IKZF1: variants seen among roughly 807,000 people sequenced by gnomAD.
IKZF1 encodes the protein IKAROS family zinc finger 1, also known as DNA-binding protein Ikaros.
IKZF1 carries 10 observed loss-of-function variants against 51.7 expected under a neutral mutation model. That is an observed-to-expected ratio of 0.19 (90% CI 0.12 to 0.33). The LOEUF (loss-of-function observed/expected upper bound fraction) is 0.33, where lower values mean the gene tolerates loss of function less well. IKZF1 is among the 10% of genes least tolerant of loss of function. IKZF1 has a pLI of 1.00. For synonymous variants in IKZF1, 280 were observed against 282.3 expected (o/e 0.99, Z 0.08); for missense variants, 484 against 707.5 (o/e 0.68, Z 3.58).
In IKZF1 at chr7:50,327,577, G is replaced by T; in HGVS notation, c.41-61G>T. On this transcript the variant is annotated intron_variant, in intron 2 of 7. Coordinates refer to ENST00000331340, the MANE Select transcript of IKZF1 (RefSeq NM_006060.6). The stretch of plus-strand genomic sequence containing the variant: ...TGCCACCCTCTCAAGCCAAAAGCCG[G>T]GGGAAGCCCAGGCACCTTGACCATG... 9 of 1,516,466 alleles carry T rather than the reference G, an allele frequency of 5.9e-6. No homozygotes were observed. In the South Asian group the frequency reaches 1.1e-4, roughly 19 times the overall value. 93.9% of individuals were successfully genotyped at this position (1,516,466 alleles called of 1,614,324 possible).
intron 3 of IKZF1, among the ~76,000 whole-genome samples, chr7:50,356,617 T>C (rs1360665859): frequency 6.6e-6 from 1 of 152,224 alleles, no homozygotes; most frequent in Non-Finnish European, 1.5e-5. Flanking sequence ...TCTGCTAAGC[T>C]ACTCAATGCA....
chr7:50,381,723 A>G (rs1171606708), intron 4 of IKZF1, among the ~76,000 whole-genome samples: 1 of 152,266 alleles, frequency 6.6e-6, no homozygotes, highest in East Asian at 1.9e-4. Context: ...CTATGGATAT[A>G]GACAAATAAT....
At chr7:50,360,161 G>A (rs920153469) in intron 3 of IKZF1, among the ~76,000 whole-genome samples, 1 of 151,812 alleles carries the variant, frequency 6.6e-6, no homozygotes, top group Non-Finnish European at 1.5e-5. Flanking sequence ...GGAAGGGAGG[G>A]ACAGCAGAGG....
intron 3 of IKZF1, among the ~76,000 whole-genome samples, chr7:50,332,457 C>A (rs886597375): frequency 1.1e-4 from 17 of 152,138 alleles, no homozygotes; most frequent in Non-Finnish European, 2.1e-4. Context: ...TGAAATCAGG[C>A]AGCAGGGGAG....
At chr7:50,342,876 T>C (rs1799381337) in intron 3 of IKZF1, among the ~76,000 whole-genome samples, 1 of 152,210 alleles carries the variant, frequency 6.6e-6, no homozygotes, top group African/African-American at 2.4e-5. Context: ...CGTGTGCTCC[T>C]GTGGCGGCTG....
rs1323053585 is a variant in IKZF1 at position 50,331,386 on chromosome 7, C to T, written c.160+3629C>T. 6.7e-5 allele frequency among the ~76,000 whole-genome samples: 10 copies of T among 150,204 alleles called. 1 individual carries two copies. Among genetic ancestry groups the T allele is most frequent in the South Asian group, 2.1e-4 (1 of 4,782 alleles). On this transcript the variant is annotated intron_variant, in intron 3 of 7. Transcript: ENST00000331340. The stretch of plus-strand genomic sequence containing the variant: ...GCCGCCACCTGACTCAAGTTCAAGT[C>T]GAGCTGCCACTGTTGAAATTTCAAG...
intron 3 of IKZF1, among the ~76,000 whole-genome samples, chr7:50,340,938 G>A (rs961783711): frequency 2.6e-5 from 4 of 152,074 alleles, no homozygotes; most frequent in African/African-American, 9.7e-5. Context: ...AAGCATTATT[G>A]CTACTTATAT....
At chr7:50,346,123 C>A (rs1385526754) in intron 3 of IKZF1, among the ~76,000 whole-genome samples, 10 of 152,146 alleles carry the variant, frequency 6.6e-5, no homozygotes, top group Admixed American at 6.5e-4. Flanking sequence ...TTCATCCCAC[C>A]CCCGCTGCCC....
Position 50,376,821 on chromosome 7 carries a change from G to T in IKZF1, c.421+28G>T, listed in dbSNP as rs757711201. On this transcript the variant is annotated intron_variant, in intron 4 of 7. Coordinates refer to ENST00000331340, the MANE Select transcript of IKZF1 (RefSeq NM_006060.6). The surrounding 1 kb of genome is among the most constrained non-coding windows in gnomAD (Gnocchi z 4.5). ...AAGGCCTGGCTCAGTTTTTCCTTTA[G>T]TGGCCTGGAGAAGGTGCATGGGGTT... 10 of 1,610,490 alleles carry T rather than the reference G, an allele frequency of 6.2e-6. No individual in the cohort carries two copies. The highest frequency in any genetic ancestry group is 8.5e-6 in the Non-Finnish European group (10 of 1,177,282).
At chr7:50,316,777 G>A (rs1001883022) in intron 1 of IKZF1, among the ~76,000 whole-genome samples, 1 of 152,256 alleles carries the variant, frequency 6.6e-6, no homozygotes, top group Non-Finnish European at 1.5e-5. Flanking sequence ...CAAACTCAGA[G>A]GCTCAGCCCG....
chr7:50,304,510 G>GGCCGGCGCGGAGGGGGCC (rs1788292166), upstream of IKZF1, among the ~76,000 whole-genome samples: 1 of 149,866 alleles, frequency 6.7e-6, no homozygotes, highest in Non-Finnish European at 1.5e-5. Flanking sequence ...CGGCGGGGGC[G>GGCCGGCGCGGAGGGGGCC]GCCGGCGCGG....
chr7:50,315,736 A>G (rs1045056831), intron 1 of IKZF1, among the ~76,000 whole-genome samples: 1 of 152,222 alleles, frequency 6.6e-6, no homozygotes. Flanking sequence ...CATTTAGGTG[A>G]AAGTTTGTGA....
intron 3 of IKZF1, chr7:50,369,698 C>T (rs927804196): frequency 4.5e-5 from 18 of 396,884 alleles, no homozygotes; most frequent in Non-Finnish European, 7.5e-5. Flanking sequence ...CAACCCCTTT[C>T]ACCCCCTCTA....
At chr7:50,367,920 A>T (rs949582548) in intron 3 of IKZF1, 18 of 606,248 alleles carry the variant, frequency 3.0e-5, no homozygotes, top group South Asian at 1.8e-4. Flanking sequence ...TTCTTTTTTA[A>T]AAAAAAGTAA....
intron 3 of IKZF1, among the ~76,000 whole-genome samples, chr7:50,360,376 C>T (rs975525096): frequency 3.9e-5 from 6 of 152,108 alleles, no homozygotes; most frequent in Admixed American, 6.5e-5. Context: ...ACAAAGGCCA[C>T]AGAAATGGAT....
At position 50,400,067 on chromosome 7, in the gene IKZF1, C is replaced by A; in HGVS notation, c.1000C>A (p.Pro334Thr). The A allele has an allele frequency of 6.3e-7, 1 of 1,595,878 alleles. No homozygotes were observed. The highest frequency in any genetic ancestry group is 1.1e-5 in the South Asian group (1 of 88,334). ...AESLRPLVQTPPGGSEVVPVI... is the reference protein window; with the variant it reads ...AESLRPLVQTTPGGSEVVPVI... ...GTCCCTGCGCCCGCTGGTGCAGACG[C>A]CCCCGGGCGGTTCCGAGGTGGTCCC... Residue 334 changes from proline to threonine, a missense_variant, in exon 8 of 8, where the codon CCC (proline) becomes ACC (threonine). By Grantham distance (38) the Pro-to-Thr change is conservative. This residue lies in a region of IKZF1 where 172 missense variants were observed against 192.7 expected (regional missense o/e 0.89). Transcript: ENST00000331340. The surrounding 1 kb of genome is among the most constrained non-coding windows in gnomAD (Gnocchi z 5.4).
chr7:50,340,193 A>G (rs1798748921), intron 3 of IKZF1, among the ~76,000 whole-genome samples: 1 of 152,184 alleles, frequency 6.6e-6, no homozygotes, highest in South Asian at 2.1e-4. Context: ...TTGTGCTTTG[A>G]AGCACCTGAC....
chr7:50,379,738 C>G (rs1811321687), intron 4 of IKZF1, among the ~76,000 whole-genome samples: 1 of 152,180 alleles, frequency 6.6e-6, no homozygotes, highest in South Asian at 2.1e-4. Context: ...ACTGCTCCTC[C>G]CAGGTATGAT....
chr7:50,331,255 A>G (rs1345939402), intron 3 of IKZF1, among the ~76,000 whole-genome samples: 1 of 152,162 alleles, frequency 6.6e-6, no homozygotes, highest in Non-Finnish European at 1.5e-5. Flanking sequence ...GGGATTTCTT[A>G]CTTTAAAAAA....
Sources: gnomAD v4.1 joint callset for allele counts (sites outside exome capture counted in the v4.1 genomes callset) on GRCh38, gnomAD v4.1.1 for gene constraint, gnomAD v4.1.1 regional missense constraint, Gnocchi (gnomAD v3.1) non-coding constraint, MANE v1.5 for transcripts, NCBI Gene and HGNC (gene_info 2026-07-23, HGNC 2026-07-21) for gene names.